The following KIF18A variants were observed in gnomAD, a reference collection of about 807,000 sequenced individuals.
The protein encoded by KIF18A is kinesin family member 18A.
KIF18A carries 67 observed loss-of-function variants against 103.3 expected under a neutral mutation model. The ratio of observed to expected loss-of-function variants is 0.65; its 90% CI spans 0.53 to 0.79. The LOEUF (loss-of-function observed/expected upper bound fraction) is 0.79. Ranked by LOEUF, KIF18A falls within the 30% of genes least tolerant of loss-of-function variation. The probability of loss-of-function intolerance (pLI) is 0.00; values close to 1 mark genes in which losing one functional copy is unlikely to be tolerated. For synonymous variants in KIF18A, 367 were observed against 355.5 expected (o/e 1.03, Z -0.36); for missense variants, 1,032 against 1,062.5 (o/e 0.97, Z 0.40).
intron 4 of KIF18A, 133 bp from the exon 5 acceptor site, chr11:28,090,860 C>T: frequency 6.7e-6 from 4 of 600,888 alleles, no homozygotes; most frequent in Middle Eastern, 4.5e-4. Flanking sequence ...CTATTAAATA[C>T]TAACTTTGTC....
intron 13 of KIF18A, among the ~76,000 whole-genome samples, chr11:28,044,946 G>C (rs1173153640): frequency 6.6e-6 from 1 of 152,002 alleles, no homozygotes; most frequent in Non-Finnish European, 1.5e-5. Context: ...TAATTTGCAT[G>C]ACAAACTACA....
At chr11:28,065,113 A>C (rs1850902200) in intron 11 of KIF18A, among the ~76,000 whole-genome samples, 1 of 152,086 alleles carries the variant, frequency 6.6e-6, no homozygotes, top group South Asian at 2.1e-4. Flanking sequence ...GCAGAGGGGC[A>C]TAAAGAGAAG....
intron 6 of KIF18A, among the ~76,000 whole-genome samples, chr11:28,085,101 G>A (rs1851210518): frequency 6.6e-6 from 1 of 152,104 alleles, no homozygotes; most frequent in Non-Finnish European, 1.5e-5. Context: ...AATAACCGGC[G>A]GGTATGGGGT....
chr11:28,026,584 T>C (rs1345728550), intron 15 of KIF18A, among the ~76,000 whole-genome samples: 2 of 151,842 alleles, frequency 1.3e-5, no homozygotes, highest in East Asian at 1.9e-4. Flanking sequence ...ACAATATTAG[T>C]TGTTCATGTG....
At chr11:28,030,956 G>GA in intron 15 of KIF18A, among the ~76,000 whole-genome samples, 1 of 151,488 alleles carries the variant, frequency 6.6e-6, no homozygotes, top group Non-Finnish European at 1.5e-5. Context: ...GGCCATCAGA[G>GA]AAATGCAAAT....
In KIF18A at chr11:28,035,494, C is replaced by A; in HGVS notation, c.2397G>T (p.Arg799=). The change falls in exon 15 of 17, where the codon CGG becomes CGT. Residue 799 remains arginine, a splice_region_variant and synonymous_variant. Coordinates refer to ENST00000263181, the MANE Select transcript of KIF18A (RefSeq NM_031217.4). Reference sequence around the variant, plus strand: ...TAGTTGAGAATGAAGAAGGATCAAGCCTGTATATTAATAGTGACAAATAAA... The same window carrying A: ...TAGTTGAGAATGAAGAAGGATCAAGACTGTATATTAATAGTGACAAATAAA... The part of the protein sequence containing the change: ...LPNDNKDILQ[R]LDPSSFSTKH... The A allele has an allele frequency of 1.9e-6, 3 of 1,546,140 alleles. No homozygotes were observed. The highest frequency in any genetic ancestry group is 2.6e-6 in the Non-Finnish European group (3 of 1,136,470).
Position 28,059,121 on chromosome 11 carries a change from A to C in KIF18A, c.1753T>G (p.Cys585Gly). The C allele has an allele frequency of 1.2e-6, 2 of 1,614,002 alleles. No individual in the cohort carries two copies. Among genetic ancestry groups the C allele is most frequent in the East Asian group, 2.2e-5 (1 of 44,866 alleles). ...ALLPTLRKQY[C>G]TLKEAGLSNA... is the part of the protein sequence containing the mutation. ...GACAGGCCGGCTTCTTTTAATGTGC[A>C]ATATTGTTTTCTTAGGGTTGGAAGT... is the stretch of plus-strand genomic sequence containing the variant. Residue 585 changes from cysteine (C) to glycine (G), a missense_variant, in exon 13 of 17, where the codon TGC becomes GGC. By Grantham distance (159) the Cys-to-Gly change is radical. Coordinates refer to ENST00000263181, the MANE Select transcript of KIF18A (RefSeq NM_031217.4).
intron 12 of KIF18A, among the ~76,000 whole-genome samples, chr11:28,061,769 G>T (rs1291731966): frequency 6.6e-6 from 1 of 152,074 alleles, no homozygotes; most frequent in Non-Finnish European, 1.5e-5. Context: ...AGCACTTAGA[G>T]AAATAAATAT....
intron 9 of KIF18A, among the ~76,000 whole-genome samples, chr11:28,080,476 A>T (rs1284423645): frequency 2.0e-5 from 3 of 151,892 alleles, no homozygotes; most frequent in Admixed American, 6.6e-5. Context: ...GAAATATTGT[A>T]AACTTTTTCA....
intron 3 of KIF18A, among the ~76,000 whole-genome samples, chr11:28,092,131 G>C (rs1280522444): frequency 6.6e-6 from 1 of 152,106 alleles, no homozygotes; most frequent in Non-Finnish European, 1.5e-5. Context: ...CTTATTTTCA[G>C]GAAATGTATG....
chr11:28,065,057 C>T (rs920667402), intron 11 of KIF18A, among the ~76,000 whole-genome samples: 17 of 152,110 alleles, frequency 1.1e-4, no homozygotes, highest in Middle Eastern at 3.4e-3. Flanking sequence ...AAGGACCAAA[C>T]GTAGCAGTCC....
intron 15 of KIF18A, among the ~76,000 whole-genome samples, chr11:28,030,770 G>A (rs1394241751): frequency 2.1e-4 from 31 of 148,454 alleles, no homozygotes; most frequent in East Asian, 3.9e-4. Context: ...GAAAATTTTC[G>A]CAACCTACTC....
At chr11:28,054,089 G>A (rs1444358965) in intron 13 of KIF18A, among the ~76,000 whole-genome samples, 1 of 152,008 alleles carries the variant, frequency 6.6e-6, no homozygotes, top group African/African-American at 2.4e-5. Context: ...AGTCAGATAT[G>A]AGCACAAAGA....
intron 1 of KIF18A, among the ~76,000 whole-genome samples, chr11:28,107,667 C>A (rs1851549379): frequency 6.6e-6 from 1 of 152,138 alleles, no homozygotes; most frequent in African/African-American, 2.4e-5. Flanking sequence ...AGGTAAGCCC[C>A]TGGGTACGCT....
At chr11:28,102,672 T>C (rs939213066) in intron 1 of KIF18A, among the ~76,000 whole-genome samples, 6 of 152,240 alleles carry the variant, frequency 3.9e-5, no homozygotes, top group Non-Finnish European at 8.8e-5. Context: ...AAGACATGGA[T>C]GTTAATTTTT....
intron 10 of KIF18A, among the ~76,000 whole-genome samples, chr11:28,074,187 A>T (rs1321764663): frequency 6.6e-6 from 1 of 152,036 alleles, no homozygotes; most frequent in Non-Finnish European, 1.5e-5. Flanking sequence ...AAAGAAAAGA[A>T]GAAAAACATC....
At chr11:28,093,552 A>AT (rs1851330126) in intron 3 of KIF18A, among the ~76,000 whole-genome samples, 1 of 152,150 alleles carries the variant, frequency 6.6e-6, no homozygotes, top group African/African-American at 2.4e-5. Context: ...AAGAGGGTAG[A>AT]AGGCCTCAAA....
intron 15 of KIF18A, among the ~76,000 whole-genome samples, chr11:28,025,214 T>TA (rs1295684009): frequency 6.6e-6 from 1 of 152,010 alleles, no homozygotes; most frequent in Non-Finnish European, 1.5e-5. Context: ...TTTAAGAAGA[T>TA]AAAATCACAA....
chr11:28,061,364 T>C (rs1167912202), intron 12 of KIF18A, among the ~76,000 whole-genome samples: 1 of 152,150 alleles, frequency 6.6e-6, no homozygotes, highest in Non-Finnish European at 1.5e-5. Context: ...CTACATTTCC[T>C]CTGTGATCCT....
Sources: allele counts gnomAD v4.1 joint callset (sites outside exome capture counted in the v4.1 genomes callset), GRCh38; gene constraint gnomAD v4.1.1; transcripts MANE v1.5; gene names NCBI Gene and HGNC (gene_info 2026-07-23, HGNC 2026-07-21).